Variants in EVA1A observed in about 807,000 individuals in gnomAD.
The protein encoded by EVA1A is eva-1 homolog A, regulator of programmed cell death.
EVA1A carries 7 observed loss-of-function variants against 9.8 expected under a neutral mutation model. The ratio of observed to expected loss-of-function variants is 0.71; its 90% CI spans 0.41 to 1.34. The LOEUF is 1.34. Among genes scored for constraint, EVA1A ranks in the 40% most tolerant of loss-of-function variants. The pLI is 0.01. For missense variants in EVA1A, 206 were observed against 205.9 expected (o/e 1.00, Z 0.00); for synonymous variants, 90 against 85.6 (o/e 1.05, Z -0.28).
intron 1 of EVA1A, chr2:75,540,899 C>T (rs535645804): frequency 3.7e-4 from 57 of 152,266 alleles, no homozygotes; most frequent in African/African-American, 1.3e-3. Context: ...TTCCCTACAA[C>T]CAAGGTAGGG....
chr2:75,516,026 T>C (rs918497032), intron 3 of EVA1A, among the ~76,000 whole-genome samples: 1 of 152,194 alleles, frequency 6.6e-6, no homozygotes, highest in Non-Finnish European at 1.5e-5. Flanking sequence ...ACCACGTGGA[T>C]AGGAGAGGAG....
intron 1 of EVA1A, among the ~76,000 whole-genome samples, chr2:75,550,307 T>C (rs1676477155): frequency 6.6e-6 from 1 of 152,214 alleles, no homozygotes; most frequent in East Asian, 1.9e-4. Flanking sequence ...CTCTCATATA[T>C]TTGCCTTCAT....
intron 3 of EVA1A, among the ~76,000 whole-genome samples, chr2:75,517,199 T>G (rs1675040619): frequency 6.6e-6 from 1 of 152,156 alleles, no homozygotes; most frequent in African/African-American, 2.4e-5. Flanking sequence ...ATGTCAGGTT[T>G]GCATTTCAAC....
In EVA1A at chr2:75,518,645, T is replaced by C. The variant is rs993669; in HGVS notation, c.-68-437A>G. ...CAGTAAACAATTCCCCCTTACCACT[T>C]CTGGAACTCTTTATTTGATTCTCCC... On this transcript the variant is annotated intron_variant, in intron 2 of 3. Transcript: ENST00000393913. 5,354 of 987,616 alleles carry C rather than the reference T, an allele frequency of 5.4e-3. 230 individuals are homozygous for C. In the African/African-American group the frequency reaches 0.087, roughly 16 times the overall value. 61.2% of individuals were successfully genotyped at this position (987,616 alleles called of 1,614,324 possible).
At chr2:75,538,814 A>T (rs1676009711) in intron 1 of EVA1A, among the ~76,000 whole-genome samples, 1 of 152,248 alleles carries the variant, frequency 6.6e-6, no homozygotes, top group South Asian at 2.1e-4. Flanking sequence ...TAGGGAATAA[A>T]TTAGTAGTTT....
chr2:75,537,486 A>G (rs1168722080), intron 1 of EVA1A, among the ~76,000 whole-genome samples: 1 of 152,252 alleles, frequency 6.6e-6, no homozygotes, highest in Non-Finnish European at 1.5e-5. Flanking sequence ...AAGAAAAGGT[A>G]CTAAAAGACA....
chr2:75,565,923 G>A (rs60321147), upstream of EVA1A, among the ~76,000 whole-genome samples: 7,085 of 152,212 alleles, frequency 0.047, 243 homozygotes, highest in African/African-American at 0.095. Context: ...AAAAGAAAAT[G>A]TATACTTGTT....
At chr2:75,552,503 G>A (rs994121640) in intron 1 of EVA1A, among the ~76,000 whole-genome samples, 5 of 152,046 alleles carry the variant, frequency 3.3e-5, no homozygotes, top group Non-Finnish European at 7.4e-5. Flanking sequence ...ATTGCCAAAG[G>A]CTTTCTTGAG....
chr2:75,501,042 G>A (rs887056724), intron 3 of EVA1A, among the ~76,000 whole-genome samples: 2 of 150,682 alleles, frequency 1.3e-5, no homozygotes, highest in Admixed American at 6.6e-5. Flanking sequence ...AAAAAAAGAG[G>A]GCACTCAAGG....
chr2:75,536,359 T>TCC (rs70937851), intron 1 of EVA1A, among the ~76,000 whole-genome samples: 3 of 149,836 alleles, frequency 2.0e-5, no homozygotes, highest in African/African-American at 2.5e-5. Flanking sequence ...CAAAAACACC[T>TCC]CCCCCCCAAA....
chr2:75,549,003 TA>T (rs1558691211), intron 1 of EVA1A, among the ~76,000 whole-genome samples: 13 of 93,854 alleles, frequency 1.4e-4, no homozygotes, highest in African/African-American at 2.1e-4. Context: ...TATATATATA[TA>T]TATATTTTTT....
rs947292355 is a variant in EVA1A, at chr2:75,492,327, T to C, written c.*909A>G. 9 of 151,780 alleles carry C rather than the reference T, an allele frequency of 5.9e-5. No homozygotes were observed. Among genetic ancestry groups the C allele is most frequent in the South Asian group, 2.1e-4 (1 of 4,782 alleles). The allele number at this position is 151,780 out of a possible 1,614,324, so 9.4% of individuals were successfully genotyped here. A position where few individuals can be genotyped will look rare whatever the true frequency, so the allele number is the denominator to read the frequency against. On this transcript the variant is annotated 3_prime_UTR_variant, in exon 4 of 4. Transcript: ENST00000393913. ...CGGACATGCAACCAAAAAGATTTTA[T>C]GTAATGTTTATTTTTTTAATTCCCA...
chr2:75,554,078 G>T (rs1304049487), intron 1 of EVA1A, among the ~76,000 whole-genome samples: 2 of 152,140 alleles, frequency 1.3e-5, no homozygotes, highest in African/African-American at 4.8e-5. Context: ...TTGTGGAGGT[G>T]CCCAGAGAAA....
At chr2:75,561,664 A>AT (rs1640007189), upstream of EVA1A, among the ~76,000 whole-genome samples, 1 of 151,972 alleles carries the variant, frequency 6.6e-6, no homozygotes, top group African/African-American at 2.4e-5. Context: ...CTCTTAAGAG[A>AT]TGGGTCACGG....
intron 1 of EVA1A, among the ~76,000 whole-genome samples, chr2:75,565,966 T>G (rs1677018456): frequency 6.6e-6 from 1 of 152,206 alleles, no homozygotes; most frequent in Non-Finnish European, 1.5e-5. Context: ...GAGGACAACC[T>G]TTCTCTTTTT....
intron 3 of EVA1A, among the ~76,000 whole-genome samples, chr2:75,512,177 C>A (rs1245190234): frequency 6.6e-6 from 1 of 151,970 alleles, no homozygotes; most frequent in Non-Finnish European, 1.5e-5. Context: ...AGTAATCATT[C>A]CATTTACTCT....
chr2:75,567,761 C>T (rs1015804793), intron 1 of EVA1A, among the ~76,000 whole-genome samples: 5 of 152,206 alleles, frequency 3.3e-5, no homozygotes, highest in African/African-American at 9.7e-5. Flanking sequence ...GTGCCCAAAT[C>T]GGAGTGATTT....
chr2:75,556,571 G>T (rs1308372397), intron 1 of EVA1A, among the ~76,000 whole-genome samples: 1 of 152,154 alleles, frequency 6.6e-6, no homozygotes, highest in Non-Finnish European at 1.5e-5. Context: ...TGTCTCTCAG[G>T]TCAGCCAGCT....
intron 1 of EVA1A, 68 bp from the exon 2 acceptor site, chr2:75,522,555 G>C (rs1325725063): frequency 6.6e-6 from 1 of 152,168 alleles, no homozygotes; most frequent in Non-Finnish European, 1.5e-5. Context: ...CCTTAGACCT[G>C]GTATGTGTGT....
Sources: gnomAD v4.1 joint callset for allele counts (sites outside exome capture counted in the v4.1 genomes callset) on GRCh38, gnomAD v4.1.1 for gene constraint, MANE v1.5 for transcripts, NCBI Gene and HGNC (gene_info 2026-07-23, HGNC 2026-07-21) for gene names.